Variants in MFN2 observed in about 807,000 individuals in gnomAD.
MFN2 encodes mitofusin 2.
A neutral mutation model predicts 87.5 loss-of-function variants in MFN2; 43 were observed. The observed-to-expected ratio is 0.49, with a 90% CI of 0.38 to 0.63. MFN2 has a LOEUF of 0.63. Among genes scored for constraint, MFN2 ranks in the 30% least tolerant of loss-of-function variants. The pLI is 0.00. For missense variants in MFN2, 743 were observed against 972.8 expected, an observed-to-expected ratio of 0.76 and a Z score of 3.14; for synonymous variants, 337 against 359.9, an observed-to-expected ratio of 0.94 and a Z score of 0.72.
chr1:11,992,402 A>C, intron 3 of MFN2, 153 bp from the exon 4 acceptor site: 10 of 933,504 alleles, frequency 1.1e-5, no homozygotes, highest in Non-Finnish European at 1.7e-5. Flanking sequence ...CCGTGGGGCC[A>C]CCATAGAGGA....
chr1:11,992,256 G>A (rs1294020567), intron 3 of MFN2: 2 of 439,692 alleles, frequency 4.5e-6, no homozygotes, highest in Non-Finnish European at 8.4e-6. Flanking sequence ...AGATAATGTA[G>A]TTATCTCCGT....
Position 11,996,195 on chromosome 1 carries a change from C to T in MFN2, c.351C>T (p.Leu117=), listed in dbSNP as rs1468573342. Reference sequence around the variant, plus strand: ...AGAGCACCGTGATCAATGCCATGCTCTGGGACAAAGTTCTGCCCTCTGGGA... The same window carrying T: ...AGAGCACCGTGATCAATGCCATGCTTTGGGACAAAGTTCTGCCCTCTGGGA... ...NGKSTVINAM[L]WDKVLPSGIG... Residue 117 remains leucine, a synonymous_variant, in exon 5 of 19, where the codon CTC becomes CTT. Transcript: ENST00000235329. The T allele has an allele frequency of 1.9e-6, 3 of 1,614,230 alleles. No homozygotes were observed. The highest frequency in any genetic ancestry group is 2.5e-6 in the Non-Finnish European group (3 of 1,180,048).
rs549060411 is a variant in MFN2 at position 12,012,984 on chromosome 1, A to G, written c.*1419A>G. The G allele has an allele frequency of 5.0e-6, 1 of 199,210 alleles. No homozygotes were observed. The highest frequency in any genetic ancestry group is 1.0e-5 in the Non-Finnish European group (1 of 95,964). 12.3% of individuals were successfully genotyped at this position (199,210 alleles called of 1,614,324 possible). ...CCTCTGTGCACTGTTTGGTGGCCAC[A>G]TCACAGGTGATGTCCTGTTCACATA... On this transcript the variant is annotated 3_prime_UTR_variant, in exon 19 of 19. Coordinates refer to ENST00000235329, the MANE Select transcript of MFN2 (RefSeq NM_014874.4).
rs976400039 is a variant in MFN2, at chr1:12,013,299, C to T, written c.*1734C>T. 1.3e-5 allele frequency: 6 copies of T among 457,760 alleles called. No homozygotes were observed. Among genetic ancestry groups the T allele is most frequent in the Non-Finnish European group, 2.7e-5 (6 of 221,398 alleles). 28.4% of individuals were successfully genotyped at this position (457,760 alleles called of 1,614,324 possible). On this transcript the variant is annotated 3_prime_UTR_variant, in exon 19 of 19. Transcript: ENST00000235329. ...TCAATACGTAAAATTAAATTTATACCACTGAGGGAGAGACCCTTTCTGAAA... is the reference window on the plus strand; with the variant it reads ...TCAATACGTAAAATTAAATTTATACTACTGAGGGAGAGACCCTTTCTGAAA...
chr1:12,009,218 A>G (rs1014645980), intron 17 of MFN2, among the ~76,000 whole-genome samples: 1 of 151,562 alleles, frequency 6.6e-6, no homozygotes, highest in African/African-American at 2.4e-5. Context: ...GACCGTGGGG[A>G]GAGGGAGAGG....
chr1:11,996,367 G>A, intron 5 of MFN2, 49 bp downstream of exon 5: 1 of 1,611,004 alleles, frequency 6.2e-7, no homozygotes, highest in Non-Finnish European at 8.5e-7. Flanking sequence ...GGGGGAGCAA[G>A]TCCTCCGTTG....
At chr1:11,997,048 A>G (rs943311026) in intron 5 of MFN2, among the ~76,000 whole-genome samples, 9 of 152,148 alleles carry the variant, frequency 5.9e-5, no homozygotes, top group Non-Finnish European at 8.8e-5. Context: ...CAAAAAAAAA[A>G]AAAAAAAAAG....
intron 4 of MFN2, among the ~76,000 whole-genome samples, chr1:11,995,871 A>G (rs749596010): frequency 4.5e-4 from 68 of 152,170 alleles, no homozygotes; most frequent in Non-Finnish European, 3.4e-4. Flanking sequence ...GACAGTCTCT[A>G]TAAGTGTTGC....
At chr1:12,009,399 G>A (rs1477705531) in intron 17 of MFN2, among the ~76,000 whole-genome samples, 193 bp from the exon 18 acceptor site, 1 of 152,352 alleles carries the variant, frequency 6.6e-6, no homozygotes, top group Non-Finnish European at 1.5e-5. Flanking sequence ...TGGTGATGCT[G>A]AGTGTGTTTG....
chr1:11,990,475 C>G (rs554053940), intron 3 of MFN2, among the ~76,000 whole-genome samples: 1 of 152,220 alleles, frequency 6.6e-6, no homozygotes, highest in Admixed American at 6.5e-5. Context: ...TCAGGCCGCT[C>G]CCCTCTGGGA....
At chr1:12,008,431 C>T (rs1423453759) in intron 17 of MFN2, among the ~76,000 whole-genome samples, 1 of 133,050 alleles carries the variant, frequency 7.5e-6, no homozygotes, top group Non-Finnish European at 1.6e-5. Context: ...TGACCCCCCC[C>T]ACCTCCCTCC....
chr1:11,983,598 C>T (rs1056906767), intron 2 of MFN2, among the ~76,000 whole-genome samples: 2 of 152,176 alleles, frequency 1.3e-5, no homozygotes, highest in East Asian at 1.9e-4. Flanking sequence ...ATGGTCCCCA[C>T]GTGCCTGTGG....
At chr1:11,982,512 C>T (rs954172620) in intron 2 of MFN2, 1 of 152,218 alleles carries the variant, frequency 6.6e-6, no homozygotes, top group African/African-American at 2.4e-5. Flanking sequence ...TCAGCTTCTC[C>T]TCTTTTCCAG....
chr1:12,008,362 C>T (rs1168709874), intron 17 of MFN2, among the ~76,000 whole-genome samples: 5 of 149,934 alleles, frequency 3.3e-5, no homozygotes, highest in African/African-American at 7.4e-5. Flanking sequence ...GATGGGGCGG[C>T]GGCCGGGCGG....
At position 11,991,923 on chromosome 1, in the gene MFN2, CAAAAAAAAAA is replaced by C. The variant is rs35314016; in HGVS notation, c.176-612_176-603del. On this transcript the variant is annotated intron_variant, in intron 3 of 18. Transcript: ENST00000235329. ...TGGGCGACAGAGCGAGACTCCGTCTCAAAAAAAAAAAAAAAAAAAAAAAAAAAAAGAAGTG... is the reference window on the plus strand; with the variant it reads ...TGGGCGACAGAGCGAGACTCCGTCTCAAAAAAAAAAAAAAAAAAAGAAGTG... Among the ~76,000 whole-genome samples, 42 of 16,732 alleles carry C rather than the reference CAAAAAAAAAA, an allele frequency of 2.5e-3. 2 individuals carry two copies. Among genetic ancestry groups the C allele is most frequent in the Middle Eastern group, 0.062 (1 of 16 alleles). 11.0% of individuals were successfully genotyped at this position (16,732 alleles called of 152,430 possible).
In MFN2 at chr1:11,988,082, TTTTG is replaced by T. The variant is rs1227422634; in HGVS notation, c.-4-1081_-4-1078del. Among the ~76,000 whole-genome samples the T allele has an allele frequency of 2.1e-4, 27 of 127,792 alleles. No individual in the cohort carries two copies. In the East Asian group the frequency reaches 4.2e-3, roughly 20 times the overall value. The allele number at this position is 127,792 out of a possible 152,430, so 83.8% of individuals were successfully genotyped here. On this transcript the variant is annotated intron_variant, in intron 2 of 18. Coordinates refer to ENST00000235329, the MANE Select transcript of MFN2 (RefSeq NM_014874.4). ...TGCTATACTAAAATAGACCAATAGTTTTTGTGTGTGTGTGTGTGTGTGTGTGTTT... is the reference window on the plus strand; with the variant it reads ...TGCTATACTAAAATAGACCAATAGTTTGTGTGTGTGTGTGTGTGTGTGTTT...
Position 12,007,273 on chromosome 1 carries a change from G to T in MFN2, c.2069+24G>T, listed in dbSNP as rs752458934. 14 of 1,611,032 alleles carry T rather than the reference G, an allele frequency of 8.7e-6. No individual in the cohort carries two copies. The East Asian group carries it at 1.8e-4, about 21-fold the overall frequency. On this transcript the variant is annotated intron_variant, in intron 17 of 18. Coordinates refer to ENST00000235329, the MANE Select transcript of MFN2 (RefSeq NM_014874.4). ...CAGTGAGTGGCCCTGTCGGACCCCA[G>T]CAGGGGACTTCCTTTAGGCAGGGTC... is the stretch of plus-strand genomic sequence containing the variant.
In MFN2 at chr1:12,004,198, G is replaced by A. The variant is rs978117397; in HGVS notation, c.1287+80G>A. The stretch of plus-strand genomic sequence containing the variant: ...GAAGAAAGCAGACCTCCTCCTCTTA[G>A]GGACTTCTCAGCCTTTCAGAAGAAA... On this transcript the variant is annotated intron_variant, in intron 12 of 18. Transcript: ENST00000235329. This position sits in a 1 kb window ranked among gnomAD's most constrained non-coding sequence, Gnocchi z 4.2. 1.3e-6 allele frequency: 2 copies of A among 1,573,938 alleles called. No homozygotes were observed. The highest frequency in any genetic ancestry group is 2.3e-5 in the East Asian group (1 of 44,360).
At chr1:12,002,132 A>G in intron 11 of MFN2, 29 bp downstream of exon 11, 1 of 1,613,966 alleles carries the variant, frequency 6.2e-7, no homozygotes, top group Non-Finnish European at 8.5e-7. Flanking sequence ...AGATAGGTGG[A>G]GAGAGCTGCC....
Sources: gnomAD v4.1 joint callset for allele counts (sites outside exome capture counted in the v4.1 genomes callset) on GRCh38, gnomAD v4.1.1 for gene constraint, Gnocchi (gnomAD v3.1) non-coding constraint, MANE v1.5 for transcripts, NCBI Gene and HGNC (gene_info 2026-07-23, HGNC 2026-07-21) for gene names.